LOXHD1: variants seen among roughly 807,000 people sequenced by gnomAD.
LOXHD1 encodes the protein lipoxygenase homology PLAT domains 1.
Under a neutral mutation model 248.2 loss-of-function variants are expected in LOXHD1, and 205 were observed. That is an observed-to-expected ratio of 0.83 (90% CI 0.74 to 0.93). LOXHD1 has a LOEUF of 0.93. Among genes scored for constraint, LOXHD1 ranks in the 40% least tolerant of loss-of-function variants. LOXHD1 has a pLI of 0.00. For missense variants in LOXHD1, 2,930 were observed against 2,971.6 expected, an observed-to-expected ratio of 0.99 and a Z score of 0.33; for synonymous variants, 1,113 against 1,162.8, an observed-to-expected ratio of 0.96 and a Z score of 0.87.
chr18:46,579,601 G>A lies in LOXHD1; in HGVS notation c.1809+29C>T, dbSNP rs1414646697. The stretch of plus-strand genomic sequence containing the variant: ...ATGGGAAGGGAACTGGGAGGAAGGG[G>A]ATGAGTGGGGCACATTGCTGTAACT... On this transcript the variant is annotated intron_variant, in intron 13 of 40. Coordinates refer to ENST00000642948, the MANE Select transcript of LOXHD1 (RefSeq NM_001384474.1). 7 of 1,551,582 alleles carry A rather than the reference G, an allele frequency of 4.5e-6. No individual in the cohort carries two copies. In the East Asian group the frequency reaches 9.8e-5, roughly 22 times the overall value.
At chr18:46,601,596 T>C (rs1215543488) in intron 7 of LOXHD1, 129 bp from the exon 8 acceptor site, 9 of 1,276,572 alleles carry the variant, frequency 7.1e-6, no homozygotes, top group Non-Finnish European at 1.0e-5. Flanking sequence ...TTCCCCATCA[T>C]GTCCTACTCC....
chr18:46,597,989 G>C (rs573496103), intron 8 of LOXHD1, among the ~76,000 whole-genome samples: 1 of 149,732 alleles, frequency 6.7e-6, no homozygotes, highest in African/African-American at 2.5e-5. Flanking sequence ...GGCTGGTCTC[G>C]ATCTCCTGAC....
intron 13 of LOXHD1, among the ~76,000 whole-genome samples, chr18:46,578,765 A>G (rs2037906455): frequency 6.6e-6 from 1 of 152,226 alleles, no homozygotes; most frequent in African/African-American, 2.4e-5. Context: ...CTCTGTACTC[A>G]GCATCCACTG....
intron 35 of LOXHD1, among the ~76,000 whole-genome samples, chr18:46,508,827 C>T (rs569856441): frequency 1.3e-5 from 2 of 152,304 alleles, no homozygotes; most frequent in South Asian, 2.1e-4. Flanking sequence ...GCATGGAAAG[C>T]CCTTGGACTC....
intron 4 of LOXHD1, among the ~76,000 whole-genome samples, chr18:46,621,822 G>A (rs2038672944): frequency 6.6e-6 from 1 of 152,180 alleles, no homozygotes; most frequent in Non-Finnish European, 1.5e-5. Flanking sequence ...TCCCATGTGA[G>A]CCAAAAGGTC....
chr18:46,592,053 T>C lies in LOXHD1; in HGVS notation c.1534A>G (p.Thr512Ala), dbSNP rs1202008518. ...WHLERMTLMN[T>A]LNKDKYNFNC... The stretch of plus-strand genomic sequence containing the variant: ...AAGTTGTACTTGTCTTTGTTCAGAG[T>C]GTTCATCAGGGTCATCTGGAATGAA... Residue 512 changes from threonine (T) to alanine (A), a missense_variant, in exon 12 of 41, where the codon ACT (threonine) becomes GCT (alanine). Thr to Ala is a moderately conservative substitution (Grantham distance 58, BLOSUM62 0). Coordinates refer to ENST00000642948, the MANE Select transcript of LOXHD1 (RefSeq NM_001384474.1). 1.3e-6 allele frequency: 2 copies of C among 1,552,222 alleles called. No homozygotes were observed. The highest frequency in any genetic ancestry group is 2.4e-5 in the East Asian group (1 of 40,920).
intron 1 of LOXHD1, among the ~76,000 whole-genome samples, chr18:46,655,049 G>A (rs2039162166): frequency 6.6e-6 from 1 of 152,194 alleles, no homozygotes; most frequent in African/African-American, 2.4e-5. Flanking sequence ...TAACACATCT[G>A]CTGCAATGTG....
At chr18:46,564,249 G>A (rs965012750) in intron 17 of LOXHD1, among the ~76,000 whole-genome samples, 1 of 152,140 alleles carries the variant, frequency 6.6e-6, no homozygotes, top group East Asian at 1.9e-4. Flanking sequence ...GGCCAGGCAC[G>A]GTGGTTCAGG....
intron 28 of LOXHD1, 118 bp downstream of exon 28, chr18:46,533,044 G>A: frequency 2.7e-6 from 3 of 1,098,058 alleles, no homozygotes; most frequent in Non-Finnish European, 3.9e-6. Flanking sequence ...AGAGAGTGGA[G>A]GTAACAACAG....
At chr18:46,516,460 G>A (rs1201621495) in intron 34 of LOXHD1, among the ~76,000 whole-genome samples, 2 of 152,220 alleles carry the variant, frequency 1.3e-5, no homozygotes, top group Admixed American at 1.3e-4. Flanking sequence ...CCCCAGGGAT[G>A]AGCTGCATAG....
intron 21 of LOXHD1, among the ~76,000 whole-genome samples, chr18:46,547,461 G>A (rs1374660624): frequency 6.6e-6 from 1 of 152,208 alleles, no homozygotes; most frequent in Non-Finnish European, 1.5e-5. Context: ...ATACATAAGT[G>A]TTGAACTAAT....
rs374148049 is a variant in LOXHD1 at position 46,623,281 on chromosome 18, AGT to A, written c.512-4993_512-4992del. Among the ~76,000 whole-genome samples the A allele has an allele frequency of 4.3e-4, 65 of 152,320 alleles. 1 individual carries two copies. Among genetic ancestry groups the A allele is most frequent in the African/African-American group, 1.5e-3 (64 of 41,564 alleles). ...TCTCCTTACATAGTCGCATTTGTGCAGTGTGTGACCTGCACATCTGAGACCAG... is the reference window on the plus strand; with the variant it reads ...TCTCCTTACATAGTCGCATTTGTGCAGTGTGACCTGCACATCTGAGACCAG... On this transcript the variant is annotated intron_variant, in intron 4 of 40. Transcript: ENST00000642948.
chr18:46,616,381 G>T (rs548410990), intron 5 of LOXHD1, among the ~76,000 whole-genome samples: 5 of 152,186 alleles, frequency 3.3e-5, no homozygotes, highest in Admixed American at 2.0e-4. Context: ...GGAATGGGGA[G>T]ATCAGCAGGG....
In LOXHD1 at chr18:46,566,463, G is replaced by C; in HGVS notation, c.2245-14C>G. Reference sequence around the variant, plus strand: ...CAGCCGGTTGATCTGAAGGAAACCCGAGTGAGGGTGAGCAAGGAGCCAGTG... The same window carrying C: ...CAGCCGGTTGATCTGAAGGAAACCCCAGTGAGGGTGAGCAAGGAGCCAGTG... On this transcript the variant is annotated splice_polypyrimidine_tract_variant and intron_variant, in intron 16 of 40. Coordinates refer to ENST00000642948, the MANE Select transcript of LOXHD1 (RefSeq NM_001384474.1). The C allele has an allele frequency of 7.8e-6, 12 of 1,545,240 alleles. No individual in the cohort carries two copies. Among genetic ancestry groups the C allele is most frequent in the Non-Finnish European group, 1.0e-5 (12 of 1,145,898 alleles).
In LOXHD1 at chr18:46,560,069, C is replaced by CCCCCCCCCCCAA. The variant is rs2144009684; in HGVS notation, c.3061+13_3061+14insTTGGGGGGGGGG. 4.0e-6 allele frequency: 6 copies of CCCCCCCCCCCAA among 1,514,224 alleles called. No individual in the cohort carries two copies. Among genetic ancestry groups the CCCCCCCCCCCAA allele is most frequent in the South Asian group, 1.2e-5 (1 of 82,736 alleles). 93.8% of individuals were successfully genotyped at this position (1,514,224 alleles called of 1,614,324 possible). On this transcript the variant is annotated intron_variant, in intron 19 of 40. Transcript: ENST00000642948. ...CCACTCCCTCCCCACCCCCACCCCC[C>CCCCCCCCCCCAA]ACGACCCACTTACGCTCAGGACCCG...
intron 4 of LOXHD1, among the ~76,000 whole-genome samples, chr18:46,633,111 A>G (rs1258057312): frequency 2.0e-5 from 3 of 152,250 alleles, no homozygotes; most frequent in South Asian, 4.1e-4. Flanking sequence ...AAAATCACTT[A>G]ATGAACATTT....
At chr18:46,645,790 ACAG>A (rs1207463309) in intron 2 of LOXHD1, among the ~76,000 whole-genome samples, 1 of 152,130 alleles carries the variant, frequency 6.6e-6, no homozygotes, top group Non-Finnish European at 1.5e-5. Flanking sequence ...AAATCCTAAT[ACAG>A]CATTTGGGAG....
chr18:46,488,486 C>T (rs1415156816), intron 38 of LOXHD1, among the ~76,000 whole-genome samples: 1 of 152,222 alleles, frequency 6.6e-6, no homozygotes, highest in African/African-American at 2.4e-5. Flanking sequence ...GTGAGAGGCA[C>T]ATCTCCCTCA....
At position 46,522,162 on chromosome 18, in the gene LOXHD1, CG is replaced by C. The variant is rs770258999; in HGVS notation, c.5023del (p.Arg1675ValfsTer20). ...DYPRGKRGFSRGSVEEFYVAG... is the reference protein window; with the variant it reads ...DYPRGKRGFSXGSVEEFYVAG... ...GACGTAGAACTCCTCCACAGAGCCA[CG>C]GCTGAAGCCCCTCTTCCCTCGGGGG... On this transcript the variant is annotated frameshift_variant, in exon 32 of 41. Transcript: ENST00000642948. LOFTEE classifies it high-confidence loss of function. The C allele has an allele frequency of 8.4e-6, 13 of 1,551,594 alleles. No individual in the cohort carries two copies. The highest frequency in any genetic ancestry group is 1.1e-5 in the Non-Finnish European group (13 of 1,147,010).
Sources: allele counts gnomAD v4.1 joint callset (sites outside exome capture counted in the v4.1 genomes callset), GRCh38; gene constraint gnomAD v4.1.1; transcripts MANE v1.5; gene names NCBI Gene and HGNC (gene_info 2026-07-23, HGNC 2026-07-21).